PDIA6: variants seen among roughly 807,000 people sequenced by gnomAD.
PDIA6 encodes the protein protein disulfide-isomerase A6.
PDIA6 carries 29 observed loss-of-function variants against 58.4 expected under a neutral mutation model. The ratio of observed to expected loss-of-function variants is 0.50; its 90% CI spans 0.37 to 0.68. The LOEUF (loss-of-function observed/expected upper bound fraction) is 0.68. PDIA6 is among the 30% of genes least tolerant of loss of function. The pLI, the probability that PDIA6 is intolerant of heterozygous loss-of-function variation, is 0.00. For synonymous variants in PDIA6, 192 were observed against 202.6 expected (o/e 0.95, Z 0.44); for missense variants, 480 against 551.0 (o/e 0.87, Z 1.29).
intron 1 of PDIA6, among the ~76,000 whole-genome samples, chr2:10,821,936 T>C (rs556671208): frequency 8.4e-6 from 1 of 119,050 alleles, no homozygotes; most frequent in Non-Finnish European, 1.8e-5. Context: ...ATATAAACGA[T>C]TTTTAAAATT....
intron 10 of PDIA6, among the ~76,000 whole-genome samples, chr2:10,788,015 G>A (rs939586080): frequency 1.1e-4 from 16 of 146,894 alleles, no homozygotes; most frequent in African/African-American, 1.7e-4. Flanking sequence ...GCAGTAAGCC[G>A]AGATTGTGCC....
At chr2:10,791,150 C>CA (rs1558441049) in intron 6 of PDIA6, among the ~76,000 whole-genome samples, 1 of 148,820 alleles carries the variant, frequency 6.7e-6, no homozygotes, top group Non-Finnish European at 1.5e-5. Flanking sequence ...CTTTTCTTTT[C>CA]TTTTTTTTTT....
upstream of PDIA6, among the ~76,000 whole-genome samples, chr2:10,833,580 T>C (rs1157469181): frequency 3.3e-5 from 5 of 152,194 alleles, no homozygotes; most frequent in Non-Finnish European, 5.9e-5. Context: ...TCAGAACATG[T>C]TTGAGCCCCT....
intron 10 of PDIA6, among the ~76,000 whole-genome samples, chr2:10,787,819 C>T (rs569201492): frequency 5.3e-5 from 8 of 152,290 alleles, no homozygotes; most frequent in Admixed American, 2.6e-4. Flanking sequence ...GATCCCAGCA[C>T]TTTGGGAGGC....
intron 4 of PDIA6, among the ~76,000 whole-genome samples, chr2:10,794,601 G>T (rs192656025): frequency 1.4e-4 from 21 of 150,612 alleles, no homozygotes; most frequent in Admixed American, 1.3e-3. Flanking sequence ...CCCAGGAAGA[G>T]AAACTTTTGA....
chr2:10,783,530 T>A lies in PDIA6; in HGVS notation c.*728A>T, dbSNP rs1040067583. The A allele has an allele frequency of 3.8e-5, 13 of 340,694 alleles. No individual in the cohort carries two copies. In the Admixed American group the frequency reaches 6.0e-4, roughly 16 times the overall value. The allele number at this position is 340,694 out of a possible 1,614,324, so 21.1% of individuals were successfully genotyped here. ...CCTGTTCGCATTGGTAACCTGCTGC[T>A]GTATTTCATGTCTTAACGGCTATTT... is the stretch of plus-strand genomic sequence containing the variant. On this transcript the variant is annotated 3_prime_UTR_variant, in exon 13 of 13. Transcript: ENST00000272227.
intron 1 of PDIA6, among the ~76,000 whole-genome samples, chr2:10,804,192 G>T (rs1000709491): frequency 6.6e-6 from 1 of 151,974 alleles, no homozygotes; most frequent in African/African-American, 2.4e-5. Flanking sequence ...ACAGGCGTGA[G>T]CCACCGTGCC....
At chr2:10,812,832 G>A, upstream of PDIA6, 2 of 1,175,006 alleles carry the variant, frequency 1.7e-6, no homozygotes, top group Non-Finnish European at 2.1e-6. Context: ...GCGGGGGCGG[G>A]CCGGAAGGCG....
rs567548418 is a variant in PDIA6 at position 10,802,868 on chromosome 2, G to C, written c.20-228C>G. Among the ~76,000 whole-genome samples, 55 of 152,294 alleles carry C rather than the reference G, an allele frequency of 3.6e-4. No individual in the cohort carries two copies. In the Middle Eastern group the frequency reaches 0.014, roughly 38 times the overall value. ...GACGGTCCCCACTCCCACTCCTTGG[G>C]CTGCACTGGAAAAAGGCTGAAGCAT... On this transcript the variant is annotated intron_variant, in intron 1 of 12. Transcript: ENST00000272227.
chr2:10,812,760 A>C lies in PDIA6; in HGVS notation c.-64T>G. 1.5e-6 allele frequency: 2 copies of C among 1,361,840 alleles called. No homozygotes were observed. The highest frequency in any genetic ancestry group is 1.6e-5 in the South Asian group (1 of 61,310). 84.4% of individuals were successfully genotyped at this position (1,361,840 alleles called of 1,614,324 possible). A position where few individuals can be genotyped will look rare whatever the true frequency, so the allele number is the denominator to read the frequency against. The stretch of plus-strand genomic sequence containing the variant: ...CCGCTTCAGCCCTGCAGCGTGCCGC[A>C]CGCCGCGCCCCCGCGCCCACGTCCC... On this transcript the variant is annotated 5_prime_UTR_variant, in exon 1 of 13. Coordinates refer to ENST00000272227, the MANE Select transcript of PDIA6 (RefSeq NM_005742.4).
intron 1 of PDIA6, among the ~76,000 whole-genome samples, chr2:10,829,254 C>T (rs1667639351): frequency 6.6e-6 from 1 of 152,220 alleles, no homozygotes; most frequent in African/African-American, 2.4e-5. Context: ...TTTTGGGCCA[C>T]TCATACCCAG....
chr2:10,803,589 C>T (rs181318719), intron 1 of PDIA6, among the ~76,000 whole-genome samples: 1 of 152,178 alleles, frequency 6.6e-6, no homozygotes, highest in African/African-American at 2.4e-5. Flanking sequence ...CACAGTTCTG[C>T]CACATTGTGG....
chr2:10,819,131 C>A, intron 2 of PDIA6: 1 of 598,622 alleles, frequency 1.7e-6, no homozygotes. Context: ...TTCCTTCCTT[C>A]TTAAAGCAGA....
chr2:10,823,717 T>C (rs530482799), intron 1 of PDIA6, among the ~76,000 whole-genome samples: 2 of 151,018 alleles, frequency 1.3e-5, no homozygotes, highest in African/African-American at 2.4e-5. Flanking sequence ...TGTACTGTAG[T>C]GGATGTTGTG....
At chr2:10,786,160 T>G (rs1448133494) in intron 11 of PDIA6, among the ~76,000 whole-genome samples, 2 of 152,152 alleles carry the variant, frequency 1.3e-5, no homozygotes, top group Non-Finnish European at 1.5e-5. Flanking sequence ...CCATCTCTAC[T>G]AAAAATACAA....
upstream of PDIA6, chr2:10,812,857 G>A (rs1250348839): frequency 3.4e-6 from 4 of 1,162,410 alleles, no homozygotes; most frequent in African/African-American, 1.6e-5. Flanking sequence ...CCAAGCCGTG[G>A]CTGCGGCTCA....
upstream of PDIA6, chr2:10,812,864 C>T: frequency 1.7e-6 from 2 of 1,161,134 alleles, no homozygotes; most frequent in African/African-American, 1.6e-5. Flanking sequence ...GTGGCTGCGG[C>T]TCATTGGTCC....
intron 4 of PDIA6, among the ~76,000 whole-genome samples, chr2:10,795,526 G>C (rs1334951294): frequency 6.6e-6 from 1 of 152,116 alleles, no homozygotes; most frequent in Non-Finnish European, 1.5e-5. Flanking sequence ...CTCCAGCCTC[G>C]AGATTTGCCA....
chr2:10,785,080 G>A, intron 11 of PDIA6, 50 bp from the exon 12 acceptor site: 2 of 1,236,040 alleles, frequency 1.6e-6, no homozygotes, highest in Non-Finnish European at 2.3e-6. Flanking sequence ...ATGGACTGCT[G>A]GTGCAGAAGA....
Sources: allele counts gnomAD v4.1 joint callset (sites outside exome capture counted in the v4.1 genomes callset), GRCh38; gene constraint gnomAD v4.1.1; transcripts MANE v1.5; gene names NCBI Gene and HGNC (gene_info 2026-07-23, HGNC 2026-07-21).